ACTN4: variants seen among roughly 807,000 people sequenced by gnomAD.
ACTN4 encodes alpha-actinin-4.
In ACTN4, 18 loss-of-function variants were observed where a neutral mutation model predicts 114.2. The observed-to-expected ratio is 0.16, with a 90% CI of 0.11 to 0.23. The LOEUF (loss-of-function observed/expected upper bound fraction) is 0.23, where lower values mean the gene tolerates loss of function less well. Among genes scored for constraint, ACTN4 ranks in the 10% least tolerant of loss-of-function variants. ACTN4 has a pLI of 1.00. For synonymous variants in ACTN4, 515 were observed against 506.3 expected (o/e 1.02, Z -0.23); for missense variants, 722 against 1,262.9 (o/e 0.57, Z 6.49).
intron 1 of ACTN4, among the ~76,000 whole-genome samples, chr19:38,671,283 G>T (rs1164818068): frequency 6.6e-6 from 1 of 152,128 alleles, no homozygotes; most frequent in East Asian, 1.9e-4. Context: ...TAGGCTTCAG[G>T]TTTTTGTGAA....
At chr19:38,706,310 A>G (rs1031036950) in intron 5 of ACTN4, among the ~76,000 whole-genome samples, 179 bp downstream of exon 5, 1 of 152,202 alleles carries the variant, frequency 6.6e-6, no homozygotes, top group African/African-American at 2.4e-5. Context: ...TCTGAGGAAG[A>G]GGAGGCAGTT....
chr19:38,659,592 G>A (rs1381669493), intron 1 of ACTN4, among the ~76,000 whole-genome samples: 1 of 152,176 alleles, frequency 6.6e-6, no homozygotes, highest in Non-Finnish European at 1.5e-5. Flanking sequence ...TCTCTTAGCA[G>A]CTACCTTAGA....
In ACTN4 at chr19:38,702,289, T is replaced by C. The variant is rs73554706; in HGVS notation, c.397+1168T>C. ...TTGGTTCACTCCCAATCCCTGTGAC[T>C]GTGGGGCCTTGGAACAAAGCCTAAT... is the stretch of plus-strand genomic sequence containing the variant. On this transcript the variant is annotated intron_variant, in intron 3 of 20. Coordinates refer to ENST00000252699, the MANE Select transcript of ACTN4 (RefSeq NM_004924.6). 5.0e-3 allele frequency among the ~76,000 whole-genome samples: 761 copies of C among 152,380 alleles called. 1 individual carries two copies. Among genetic ancestry groups the C allele is most frequent in the African/African-American group, 0.018 (736 of 41,590 alleles).
intron 2 of ACTN4, 107 bp from the exon 3 acceptor site, chr19:38,700,895 C>A (rs1169477313): frequency 2.6e-6 from 4 of 1,520,560 alleles, no homozygotes; most frequent in African/African-American, 2.8e-5. Context: ...AGCAGAGGAA[C>A]CTGCTTTTGG....
At chr19:38,692,875 G>A (rs983959220) in intron 1 of ACTN4, among the ~76,000 whole-genome samples, 2 of 152,116 alleles carry the variant, frequency 1.3e-5, no homozygotes, top group East Asian at 1.9e-4. Flanking sequence ...GAGGTGGGAC[G>A]GCGCCCTCCC....
intron 1 of ACTN4, among the ~76,000 whole-genome samples, chr19:38,686,520 C>G (rs529042950): frequency 9.2e-5 from 14 of 152,308 alleles, no homozygotes; most frequent in African/African-American, 3.1e-4. Flanking sequence ...GAGGAGGCCC[C>G]AGCCTCTGCT....
rs571533243 is a variant in ACTN4, at chr19:38,701,414, G to A, written c.397+293G>A. On this transcript the variant is annotated intron_variant, in intron 3 of 20. Transcript: ENST00000252699. The stretch of plus-strand genomic sequence containing the variant: ...GCAGGGGGAGGAATGGTTTTGACTC[G>A]GACTCAGGTCGCCCTCACTGGTTCT... Among the ~76,000 whole-genome samples the A allele has an allele frequency of 4.6e-5, 7 of 152,274 alleles. No homozygotes were observed. In the East Asian group the frequency reaches 7.7e-4, roughly 17 times the overall value.
intron 1 of ACTN4, among the ~76,000 whole-genome samples, chr19:38,664,441 G>A (rs994016867): frequency 1.1e-4 from 16 of 152,234 alleles, no homozygotes; most frequent in African/African-American, 3.4e-4. Flanking sequence ...TCTTTGTGTG[G>A]TTTCAGATGT....
Position 38,692,051 on chromosome 19 carries a change from T to C in ACTN4, c.163-8549T>C, listed in dbSNP as rs1206100544. ...GTTTCTGGGTGGACACGCAGGACCT[T>C]TGGAATGCTCGCTACCCCACTCAGC... On this transcript the variant is annotated intron_variant, in intron 1 of 20. Coordinates refer to ENST00000252699, the MANE Select transcript of ACTN4 (RefSeq NM_004924.6). Among the ~76,000 whole-genome samples, 3 of 152,146 alleles carry C rather than the reference T, an allele frequency of 2.0e-5. No homozygotes were observed. In the East Asian group the frequency reaches 5.8e-4, roughly 29 times the overall value.
chr19:38,706,266 C>CTTGTAGGGCCCGTGG, intron 5 of ACTN4, 135 bp downstream of exon 5: 1 of 902,396 alleles, frequency 1.1e-6, no homozygotes, highest in Non-Finnish European at 1.8e-6. Context: ...TGGCCACGGG[C>CTTGTAGGGCCCGTGG]CCTACAAGCC....
At chr19:38,683,124 T>C (rs1967629604) in intron 1 of ACTN4, among the ~76,000 whole-genome samples, 2 of 152,278 alleles carry the variant, frequency 1.3e-5, no homozygotes, top group South Asian at 4.1e-4. Context: ...CTCAGAGCAG[T>C]GAGTCTCCCC....
intron 1 of ACTN4, among the ~76,000 whole-genome samples, chr19:38,691,111 G>A (rs1477100496): frequency 1.3e-5 from 2 of 152,186 alleles, no homozygotes; most frequent in Non-Finnish European, 2.9e-5. Flanking sequence ...GAAAAGTGCA[G>A]TGAGTAAAAC....
chr19:38,651,222 G>A (rs1468505348), intron 1 of ACTN4, among the ~76,000 whole-genome samples: 1 of 152,206 alleles, frequency 6.6e-6, no homozygotes, highest in African/African-American at 2.4e-5. Context: ...AATTCTTCTA[G>A]GAATTAAGCA....
rs1015160355 is a variant in ACTN4 at position 38,729,954 on chromosome 19, A to AGAT, written c.*524_*526dup. 5 of 330,556 alleles carry AGAT rather than the reference A, an allele frequency of 1.5e-5. No homozygotes were observed. Among genetic ancestry groups the AGAT allele is most frequent in the East Asian group, 8.5e-5 (1 of 11,700 alleles). 20.5% of individuals were successfully genotyped at this position (330,556 alleles called of 1,614,324 possible). On this transcript the variant is annotated 3_prime_UTR_variant, in exon 21 of 21. Transcript: ENST00000252699. ...TCCAGACTCACTTGCCATTGCCAGG[A>AGAT]GATGGCCCCAACAAGCACCCCGCTT...
At chr19:38,710,200 T>C in intron 7 of ACTN4, 57 bp from the exon 8 acceptor site, 1 of 1,586,700 alleles carries the variant, frequency 6.3e-7, no homozygotes, top group Non-Finnish European at 8.6e-7. Flanking sequence ...TCCCAGTGAG[T>C]GACGCCTCCA....
chr19:38,680,924 G>A (rs566524016), intron 1 of ACTN4, among the ~76,000 whole-genome samples: 244 of 151,930 alleles, frequency 1.6e-3, no homozygotes, highest in African/African-American at 5.6e-3. Flanking sequence ...TCAGGAGTTC[G>A]AGACCAGCCT....
At chr19:38,673,693 A>ATATATATT (rs71165568) in intron 1 of ACTN4, among the ~76,000 whole-genome samples, 5 of 79,642 alleles carry the variant, frequency 6.3e-5, no homozygotes, top group South Asian at 3.2e-4. Context: ...TATATATATT[A>ATATATATT]TATATATTTA....
At chr19:38,671,247 A>G (rs1042962069) in intron 1 of ACTN4, among the ~76,000 whole-genome samples, 1 of 152,148 alleles carries the variant, frequency 6.6e-6, no homozygotes, top group Non-Finnish European at 1.5e-5. Flanking sequence ...ACTCCTCAAA[A>G]TTCCTCCCAC....
chr19:38,700,548 G>A lies in ACTN4; in HGVS notation c.163-52G>A, dbSNP rs956843139. ...GCGGCCCTGCAGGTGTGTGGAGAGA[G>A]CCCCGACAGCCAGGCTGACTCTGCG... is the stretch of plus-strand genomic sequence containing the variant. On this transcript the variant is annotated intron_variant, in intron 1 of 20. Transcript: ENST00000252699. 8.0e-6 allele frequency: 12 copies of A among 1,495,648 alleles called. No individual in the cohort carries two copies. The African/African-American group carries it at 1.5e-4, about 19-fold the overall frequency. 92.6% of individuals were successfully genotyped at this position (1,495,648 alleles called of 1,614,324 possible).
Sources: allele counts gnomAD v4.1 joint callset (sites outside exome capture counted in the v4.1 genomes callset), GRCh38; gene constraint gnomAD v4.1.1; transcripts MANE v1.5; gene names NCBI Gene and HGNC (gene_info 2026-07-23, HGNC 2026-07-21).